ANKS1B: variants seen among roughly 807,000 people sequenced by gnomAD.
ANKS1B encodes the protein ankyrin repeat and sterile alpha motif domain containing 1B.
ANKS1B carries 36 observed loss-of-function variants against 148.3 expected under a neutral mutation model. The ratio of observed to expected loss-of-function variants is 0.24; its 90% confidence interval spans 0.19 to 0.32. ANKS1B has a LOEUF of 0.32. Ranked by LOEUF, ANKS1B falls within the 10% of genes least tolerant of loss-of-function variation. ANKS1B has a pLI of 1.00. For synonymous variants in ANKS1B, 542 were observed against 560.8 expected, an observed-to-expected ratio of 0.97 and a Z score of 0.47; for missense variants, 1,157 against 1,542.6, an observed-to-expected ratio of 0.75 and a Z score of 4.19.
intron 17 of ANKS1B, among the ~76,000 whole-genome samples, chr12:98,838,941 T>A (rs1309515161): frequency 6.6e-6 from 1 of 152,238 alleles, no homozygotes; most frequent in Non-Finnish European, 1.5e-5. Context: ...CCTGAAAGCA[T>A]CAAGGCAAAA....
chr12:98,893,700 T>G (rs567398204), intron 17 of ANKS1B: 1 of 152,356 alleles, frequency 6.6e-6, no homozygotes, highest in South Asian at 2.1e-4. Context: ...CCGGCGCACA[T>G]AAGCAGCACC....
chr12:98,798,952 A>T lies in ANKS1B; in HGVS notation c.3324T>A (p.Asp1108Glu). The T allele has an allele frequency of 2.5e-6, 4 of 1,611,244 alleles. No individual in the cohort carries two copies. Among genetic ancestry groups the T allele is most frequent in the Non-Finnish European group, 3.4e-6 (4 of 1,178,740 alleles). ...GACTTACCCGCATTTTTGCACAAGC[A>T]TCTTGGGTTGATTCTGTCCCCCTAA... ...KELRGTESTQDACAKMRANCQ... is the reference protein window; with the variant it reads ...KELRGTESTQEACAKMRANCQ... Residue 1108 changes from aspartate (D) to glutamate (E), a missense_variant, in exon 22 of 27, where the codon GAT (aspartate) becomes GAA (glutamate). Transcript: ENST00000683438.
intron 10 of ANKS1B, among the ~76,000 whole-genome samples, chr12:99,457,437 A>G (rs1003214592): frequency 5.9e-5 from 9 of 152,080 alleles, no homozygotes; most frequent in African/African-American, 2.2e-4. Context: ...TAATATTAAC[A>G]TTGAATGTAA....
At chr12:99,331,021 T>C (rs541711551) in intron 12 of ANKS1B, among the ~76,000 whole-genome samples, 25 of 152,132 alleles carry the variant, frequency 1.6e-4, no homozygotes, top group South Asian at 4.1e-4. Context: ...AATGCATTGA[T>C]GAATCCATTG....
At chr12:99,392,093 C>T (rs888777057) in intron 12 of ANKS1B, among the ~76,000 whole-genome samples, 19 of 152,292 alleles carry the variant, frequency 1.2e-4, no homozygotes, top group African/African-American at 4.3e-4. Flanking sequence ...TTACTTTCTC[C>T]ATATCAGCTT....
At chr12:99,186,622 A>G (rs975170891) in intron 14 of ANKS1B, among the ~76,000 whole-genome samples, 1 of 152,112 alleles carries the variant, frequency 6.6e-6, no homozygotes, top group Non-Finnish European at 1.5e-5. Context: ...CCTCCAGCAA[A>G]CTCCAGTAGA....
chr12:99,086,185 C>T (rs1452382497), intron 15 of ANKS1B, among the ~76,000 whole-genome samples: 1 of 152,014 alleles, frequency 6.6e-6, no homozygotes, highest in African/African-American at 2.4e-5. Context: ...ATGATGGTGA[C>T]ACTTGCTTAG....
At chr12:99,951,618 T>C (rs1481471493) in intron 1 of ANKS1B, among the ~76,000 whole-genome samples, 1 of 151,958 alleles carries the variant, frequency 6.6e-6, no homozygotes, top group East Asian at 1.9e-4. Flanking sequence ...CTCATACCTA[T>C]AATCTCAGCA....
intron 1 of ANKS1B, among the ~76,000 whole-genome samples, chr12:99,914,374 G>C (rs1372111560): frequency 6.6e-6 from 1 of 152,170 alleles, no homozygotes; most frequent in East Asian, 1.9e-4. Context: ...GAAGGAGGAA[G>C]TACAAGCTTA....
intron 17 of ANKS1B, among the ~76,000 whole-genome samples, chr12:98,938,059 A>G (rs1296067817): frequency 1.3e-5 from 2 of 152,088 alleles, no homozygotes; most frequent in East Asian, 3.9e-4. Context: ...ACAATTCGAG[A>G]TGATATTTGG....
At chr12:99,116,096 G>A (rs910425190) in intron 15 of ANKS1B, among the ~76,000 whole-genome samples, 2 of 152,104 alleles carry the variant, frequency 1.3e-5, no homozygotes, top group Non-Finnish European at 2.9e-5. Context: ...CTATTGTGTA[G>A]GATTGCTGCA....
At chr12:99,212,980 A>G (rs1045010656) in intron 14 of ANKS1B, among the ~76,000 whole-genome samples, 2 of 152,224 alleles carry the variant, frequency 1.3e-5, no homozygotes, top group African/African-American at 4.8e-5. Flanking sequence ...ATGTAAAGTG[A>G]GTACCAGCGT....
chr12:98,740,473 C>T (rs1593204377), downstream of ANKS1B, among the ~76,000 whole-genome samples: 1 of 152,198 alleles, frequency 6.6e-6, no homozygotes, highest in Non-Finnish European at 1.5e-5. Flanking sequence ...TGCATATTAA[C>T]CCAGCTGTGG....
At chr12:99,210,050 C>A (rs2083149320) in intron 14 of ANKS1B, among the ~76,000 whole-genome samples, 1 of 152,188 alleles carries the variant, frequency 6.6e-6, no homozygotes, top group Admixed American at 6.5e-5. Flanking sequence ...ATGCTCCTGA[C>A]CAAAATTGGC....
intron 15 of ANKS1B, among the ~76,000 whole-genome samples, chr12:99,126,600 CT>C (rs2153739954): frequency 6.6e-6 from 1 of 152,204 alleles, no homozygotes; most frequent in South Asian, 2.1e-4. Context: ...TCCTTGTATC[CT>C]GTCACAAAGC....
intron 2 of ANKS1B, among the ~76,000 whole-genome samples, chr12:99,822,013 T>C (rs1012684064): frequency 5.9e-5 from 9 of 152,030 alleles, no homozygotes; most frequent in Admixed American, 2.0e-4. Context: ...ATAAATACAA[T>C]TTGGGAATTC....
chr12:99,911,999 C>A (rs1455482022), intron 1 of ANKS1B, among the ~76,000 whole-genome samples: 1 of 152,008 alleles, frequency 6.6e-6, no homozygotes, highest in African/African-American at 2.4e-5. Flanking sequence ...AAAGATAAAC[C>A]TAGGCACATT....
chr12:99,269,703 C>T (rs1337971638), intron 12 of ANKS1B, among the ~76,000 whole-genome samples: 2 of 152,188 alleles, frequency 1.3e-5, no homozygotes, highest in African/African-American at 2.4e-5. Flanking sequence ...GGACCACAGG[C>T]GCCCGCCACC....
chr12:98,830,840 T>C (rs1470833481), intron 18 of ANKS1B, among the ~76,000 whole-genome samples: 1 of 151,858 alleles, frequency 6.6e-6, no homozygotes, highest in Admixed American at 6.6e-5. Context: ...CTGGAAATCA[T>C]CTTTCTCACT....
Sources: gnomAD v4.1 joint callset for allele counts (sites outside exome capture counted in the v4.1 genomes callset) on GRCh38, gnomAD v4.1.1 for gene constraint, MANE v1.5 for transcripts, NCBI Gene and HGNC (gene_info 2026-07-23, HGNC 2026-07-21) for gene names.